CNTNAP2: variants seen among roughly 807,000 people sequenced by gnomAD.
CNTNAP2 encodes the protein contactin associated protein 2.
CNTNAP2 carries 98 observed loss-of-function variants against 155.2 expected under a neutral mutation model. That is an observed-to-expected ratio of 0.63 (90% confidence interval 0.54 to 0.75). The LOEUF is 0.75. Among genes scored for constraint, CNTNAP2 ranks in the 30% least tolerant of loss-of-function variants. The probability of loss-of-function intolerance (pLI) is 0.00; values close to 1 mark genes in which losing one functional copy is unlikely to be tolerated. For missense variants in CNTNAP2, 1,727 were observed against 1,688.1 expected (o/e 1.02, Z -0.40); for synonymous variants, 651 against 631.2 (o/e 1.03, Z -0.47).
intron 8 of CNTNAP2, among the ~76,000 whole-genome samples, chr7:147,184,908 A>C (rs1166008553): frequency 6.6e-6 from 1 of 152,214 alleles, no homozygotes; most frequent in Non-Finnish European, 1.5e-5. Context: ...TATCTACTAC[A>C]AATCAAAGCT....
At chr7:146,585,998 C>T (rs980200398) in intron 1 of CNTNAP2, among the ~76,000 whole-genome samples, 16 of 141,526 alleles carry the variant, frequency 1.1e-4, no homozygotes, top group African/African-American at 4.3e-4. Flanking sequence ...AAGTGAGGCC[C>T]TGTCTCAAAA....
At chr7:146,938,714 T>C (rs1796980334) in intron 3 of CNTNAP2, among the ~76,000 whole-genome samples, 1 of 152,122 alleles carries the variant, frequency 6.6e-6, no homozygotes, top group African/African-American at 2.4e-5. Context: ...GTCTTGCTAA[T>C]CTTATTATTC....
At chr7:146,451,857 A>ACATGCGTG (rs1182436142) in intron 1 of CNTNAP2, among the ~76,000 whole-genome samples, 4 of 128,614 alleles carry the variant, frequency 3.1e-5, no homozygotes, top group South Asian at 2.3e-4. Context: ...CACGTATTCT[A>ACATGCGTG]TATATATATA....
In CNTNAP2 at chr7:147,558,697, T is replaced by TTTCCTTCCTTCCTTCC. The variant is rs151097268; in HGVS notation, c.1778-3410_1778-3395dup. On this transcript the variant is annotated intron_variant, in intron 11 of 23. Coordinates refer to ENST00000361727, the MANE Select transcript of CNTNAP2 (RefSeq NM_014141.6). ...GAAAACTTTTTTCCTTCGTTCGTTC[T>TTTCCTTCCTTCCTTCC]TTCCTTCCTTCCTTCCTTCCTTCCT... Among the ~76,000 whole-genome samples the TTTCCTTCCTTCCTTCC allele has an allele frequency of 1.0e-3, 149 of 148,926 alleles. No individual in the cohort carries two copies. In the East Asian group the frequency reaches 0.014, roughly 14 times the overall value.
At chr7:147,961,313 C>T (rs943638279) in intron 14 of CNTNAP2, among the ~76,000 whole-genome samples, 2 of 152,116 alleles carry the variant, frequency 1.3e-5, no homozygotes, top group Non-Finnish European at 2.9e-5. Context: ...ATTTGCTACA[C>T]CAGGAATATT....
At chr7:147,822,381 C>G (rs1798376059) in intron 13 of CNTNAP2, among the ~76,000 whole-genome samples, 1 of 152,064 alleles carries the variant, frequency 6.6e-6, no homozygotes, top group Admixed American at 6.6e-5. Context: ...TGAAAAGCTC[C>G]TTTATAACAA....
intron 1 of CNTNAP2, among the ~76,000 whole-genome samples, chr7:146,187,533 T>C (rs1798641766): frequency 6.6e-6 from 1 of 152,216 alleles, no homozygotes; most frequent in Non-Finnish European, 1.5e-5. Flanking sequence ...TGTCTTGTGA[T>C]TCTTTGTGAC....
chr7:146,558,431 G>T (rs1798229318), intron 1 of CNTNAP2, among the ~76,000 whole-genome samples: 1 of 151,654 alleles, frequency 6.6e-6, no homozygotes, highest in Non-Finnish European at 1.5e-5. Context: ...ACTTTATTTG[G>T]GTATGATTGA....
intron 13 of CNTNAP2, among the ~76,000 whole-genome samples, chr7:147,692,293 A>G (rs1233664089): frequency 6.6e-6 from 1 of 152,142 alleles, no homozygotes; most frequent in Non-Finnish European, 1.5e-5. Context: ...ACTGGCAATT[A>G]TGAATGAAGT....
chr7:147,609,518 G>A (rs62483181), intron 12 of CNTNAP2, among the ~76,000 whole-genome samples: 26,597 of 151,922 alleles, frequency 0.18, 3,036 homozygotes, highest in Admixed American at 0.29. Flanking sequence ...GTGACAGAGC[G>A]AGACTCTGTC....
chr7:147,053,290 A>G (rs1471562309), intron 4 of CNTNAP2, among the ~76,000 whole-genome samples: 3 of 152,196 alleles, frequency 2.0e-5, no homozygotes, highest in South Asian at 2.1e-4. Flanking sequence ...GCATGGAAAT[A>G]TATGTTCTAA....
chr7:147,664,701 C>G (rs1284874814), intron 13 of CNTNAP2, among the ~76,000 whole-genome samples: 1 of 152,104 alleles, frequency 6.6e-6, no homozygotes, highest in Non-Finnish European at 1.5e-5. Context: ...GGCTTCCCAC[C>G]ACACAGTGAA....
intron 2 of CNTNAP2, among the ~76,000 whole-genome samples, chr7:146,809,611 G>A (rs1055640237): frequency 3.3e-5 from 5 of 151,806 alleles, no homozygotes; most frequent in Admixed American, 1.3e-4. Context: ...TGATTTGCCC[G>A]CCTCAGCCTC....
chr7:146,292,856 G>A (rs1800453302), intron 1 of CNTNAP2, among the ~76,000 whole-genome samples: 1 of 152,134 alleles, frequency 6.6e-6, no homozygotes, highest in Non-Finnish European at 1.5e-5. Context: ...TAGAATAGTG[G>A]TTATCCGAGA....
intron 3 of CNTNAP2, among the ~76,000 whole-genome samples, chr7:146,901,650 T>A (rs1244306238): frequency 6.6e-6 from 1 of 152,164 alleles, no homozygotes; most frequent in Non-Finnish European, 1.5e-5. Context: ...ATGAGTATAT[T>A]AAAATCCAAA....
At chr7:148,100,391 T>A (rs1804072749) in intron 15 of CNTNAP2, among the ~76,000 whole-genome samples, 1 of 152,230 alleles carries the variant, frequency 6.6e-6, no homozygotes, top group Non-Finnish European at 1.5e-5. Flanking sequence ...TATTCTGAGT[T>A]TAAGCAAATA....
At chr7:146,654,479 C>G (rs554632484) in intron 1 of CNTNAP2, among the ~76,000 whole-genome samples, 2 of 151,952 alleles carry the variant, frequency 1.3e-5, no homozygotes, top group African/African-American at 4.8e-5. Flanking sequence ...ATAAATGAGA[C>G]AATTCACATG....
intron 1 of CNTNAP2, among the ~76,000 whole-genome samples, chr7:146,548,064 G>A (rs1007034014): frequency 1.3e-5 from 2 of 151,592 alleles, no homozygotes; most frequent in Non-Finnish European, 2.9e-5. Flanking sequence ...TCATCACTCA[G>A]GTATTAAACC....
At chr7:146,937,618 T>G (rs570295430) in intron 3 of CNTNAP2, among the ~76,000 whole-genome samples, 2 of 152,300 alleles carry the variant, frequency 1.3e-5, no homozygotes, top group African/African-American at 4.8e-5. Context: ...GCTGCAAAGG[T>G]TGGTAGTAAA....
Sources: allele counts gnomAD v4.1 joint callset (sites outside exome capture counted in the v4.1 genomes callset), GRCh38; gene constraint gnomAD v4.1.1; transcripts MANE v1.5; gene names NCBI Gene and HGNC (gene_info 2026-07-23, HGNC 2026-07-21).